The following IMMP2L variants were observed in gnomAD, a reference collection of about 807,000 sequenced individuals.
IMMP2L encodes the protein inner mitochondrial membrane peptidase subunit 2, also known as mitochondrial inner membrane protease subunit 2.
Under a neutral mutation model 19.3 loss-of-function variants are expected in IMMP2L, and 18 were observed. The ratio of observed to expected loss-of-function variants is 0.93; its 90% CI spans 0.64 to 1.38. IMMP2L has a LOEUF of 1.38. Ranked by LOEUF, IMMP2L falls within the 40% of genes most tolerant of loss-of-function variation. IMMP2L has a pLI of 0.00. For synonymous variants in IMMP2L, 76 were observed against 73.0 expected (o/e 1.04, Z -0.21); for missense variants, 233 against 218.2 (o/e 1.07, Z -0.43).
intron 5 of IMMP2L, among the ~76,000 whole-genome samples, chr7:110,740,062 C>G (rs192992446): frequency 1.4e-4 from 22 of 152,086 alleles, no homozygotes; most frequent in Admixed American, 3.9e-4. Flanking sequence ...ACAGCAAAAG[C>G]AATGCTAAGA....
At chr7:111,530,512 A>T (rs1847289145) in intron 1 of IMMP2L, among the ~76,000 whole-genome samples, 1 of 152,180 alleles carries the variant, frequency 6.6e-6, no homozygotes, top group African/African-American at 2.4e-5. Context: ...TAACCAGTTA[A>T]CAAGAATGTA....
At chr7:111,154,826 TG>T (rs1266975828) in intron 3 of IMMP2L, among the ~76,000 whole-genome samples, 2 of 152,274 alleles carry the variant, frequency 1.3e-5, no homozygotes, top group Non-Finnish European at 2.9e-5. Context: ...GGTGTGACCA[TG>T]GTTCATTGCA....
At chr7:110,884,719 A>T (rs1810033447) in intron 5 of IMMP2L, among the ~76,000 whole-genome samples, 1 of 152,096 alleles carries the variant, frequency 6.6e-6, no homozygotes, top group South Asian at 2.1e-4. Flanking sequence ...ACACTTCTAT[A>T]CTGTAAGTGA....
chr7:110,825,190 C>A (rs1803364845), intron 5 of IMMP2L, among the ~76,000 whole-genome samples: 1 of 152,064 alleles, frequency 6.6e-6, no homozygotes. Context: ...TAAAAGAGGA[C>A]TCAAACAAAT....
intron 2 of IMMP2L, among the ~76,000 whole-genome samples, chr7:111,510,127 C>G (rs1158408245): frequency 6.6e-6 from 1 of 152,052 alleles, no homozygotes; most frequent in Non-Finnish European, 1.5e-5. Flanking sequence ...GAAAATAGAG[C>G]TTGAGTTTAG....
At chr7:111,148,148 T>C (rs1365102617) in intron 3 of IMMP2L, among the ~76,000 whole-genome samples, 4 of 152,188 alleles carry the variant, frequency 2.6e-5, no homozygotes, top group African/African-American at 9.6e-5. Context: ...ACGTGGTACA[T>C]CTATACAATG....
At chr7:111,112,532 A>G (rs1799362929) in intron 3 of IMMP2L, among the ~76,000 whole-genome samples, 1 of 152,218 alleles carries the variant, frequency 6.6e-6, no homozygotes, top group African/African-American at 2.4e-5. Flanking sequence ...GTCTTGGTTG[A>G]AACTCAAAGC....
At chr7:110,691,830 A>G (rs1793530014) in intron 5 of IMMP2L, among the ~76,000 whole-genome samples, 1 of 152,218 alleles carries the variant, frequency 6.6e-6, no homozygotes, top group South Asian at 2.1e-4. Context: ...AGATGTGGTA[A>G]AAGAGAATGC....
chr7:111,453,788 T>C (rs1351321628), intron 3 of IMMP2L, among the ~76,000 whole-genome samples: 1 of 152,140 alleles, frequency 6.6e-6, no homozygotes, highest in African/African-American at 2.4e-5. Context: ...GTTATTTTAT[T>C]TGTGGCAAGA....
chr7:111,072,954 A>G (rs1795087904), intron 3 of IMMP2L, among the ~76,000 whole-genome samples: 1 of 151,978 alleles, frequency 6.6e-6, no homozygotes. Context: ...ACAGTAATGC[A>G]TGATCCTGGA....
chr7:110,729,888 C>T (rs1226964500), intron 5 of IMMP2L, among the ~76,000 whole-genome samples: 2 of 151,856 alleles, frequency 1.3e-5, no homozygotes, highest in African/African-American at 4.8e-5. Context: ...AACAAACCTG[C>T]ACATCCTGCA....
intron 5 of IMMP2L, among the ~76,000 whole-genome samples, chr7:110,685,929 G>A (rs1023659516): frequency 6.6e-6 from 1 of 152,040 alleles, no homozygotes; most frequent in African/African-American, 2.4e-5. Flanking sequence ...ATGGCTTTTA[G>A]TTAAATGAGC....
At chr7:111,224,923 C>A (rs1283119359) in intron 3 of IMMP2L, among the ~76,000 whole-genome samples, 1 of 151,976 alleles carries the variant, frequency 6.6e-6, no homozygotes, top group Non-Finnish European at 1.5e-5. Context: ...AATCTTAGTT[C>A]CATTATATCT....
intron 1 of IMMP2L, among the ~76,000 whole-genome samples, chr7:111,527,722 C>T (rs577503170): frequency 6.6e-6 from 1 of 152,260 alleles, no homozygotes; most frequent in East Asian, 1.9e-4. Context: ...AAGACCTGAA[C>T]ACCGTTGCTC....
chr7:111,383,902 T>C (rs2131255566), intron 3 of IMMP2L, among the ~76,000 whole-genome samples: 1 of 152,268 alleles, frequency 6.6e-6, no homozygotes, highest in South Asian at 2.1e-4. Context: ...CCTGTCCAGT[T>C]ACATTTCAGT....
intron 3 of IMMP2L, among the ~76,000 whole-genome samples, chr7:110,966,043 G>T (rs1394696037): frequency 2.0e-5 from 3 of 151,852 alleles, no homozygotes; most frequent in Non-Finnish European, 4.4e-5. Flanking sequence ...AACAAGAGCA[G>T]ACAGGTTAAA....
chr7:110,688,872 T>C (rs1160136228), intron 5 of IMMP2L, among the ~76,000 whole-genome samples: 3 of 150,642 alleles, frequency 2.0e-5, no homozygotes, highest in Non-Finnish European at 4.4e-5. Flanking sequence ...CACATACATA[T>C]AACATGTGTA....
At chr7:110,675,365 C>CA (rs35638654) in intron 5 of IMMP2L, among the ~76,000 whole-genome samples, 1,657 of 150,072 alleles carry the variant, frequency 0.011, 10 homozygotes, top group African/African-American at 0.026. Context: ...TTGTCAGGCT[C>CA]AAAAAAAAAC....
At chr7:110,953,453 A>G (rs1818038993) in intron 4 of IMMP2L, among the ~76,000 whole-genome samples, 1 of 152,056 alleles carries the variant, frequency 6.6e-6, no homozygotes, top group Admixed American at 6.5e-5. Context: ...TTTGCTGAGA[A>G]TGATGGTTTC....
Sources: gnomAD v4.1 joint callset for allele counts (sites outside exome capture counted in the v4.1 genomes callset) on GRCh38, gnomAD v4.1.1 for gene constraint, MANE v1.5 for transcripts, NCBI Gene and HGNC (gene_info 2026-07-23, HGNC 2026-07-21) for gene names.